The following MAML3 variants were observed in gnomAD, a reference collection of about 807,000 sequenced individuals.
MAML3 encodes the protein mastermind like transcriptional coactivator 3, also known as mastermind-like protein 3.
MAML3 carries 27 observed loss-of-function variants against 101.9 expected under a neutral mutation model. That is an observed-to-expected ratio of 0.27 (90% CI 0.20 to 0.37). The LOEUF (loss-of-function observed/expected upper bound fraction) is 0.37, where lower values mean the gene tolerates loss of function less well. MAML3 is among the 10% of genes least tolerant of loss of function. The pLI is 1.00. For synonymous variants in MAML3, 501 were observed against 555.9 expected (o/e 0.90, Z 1.39); for missense variants, 1,316 against 1,444.9 (o/e 0.91, Z 1.45).
chr4:139,993,916 C>A (rs148974138), intron 1 of MAML3, among the ~76,000 whole-genome samples: 11 of 152,188 alleles, frequency 7.2e-5, no homozygotes, highest in African/African-American at 2.4e-4. Context: ...TCTAAGAATT[C>A]TTTGCCAAAA....
intron 2 of MAML3, among the ~76,000 whole-genome samples, chr4:139,809,389 G>A (rs1390232524): frequency 1.3e-5 from 2 of 152,174 alleles, no homozygotes; most frequent in African/African-American, 2.4e-5. Context: ...TAGCTTATGC[G>A]GGATTGGAAT....
intron 2 of MAML3, chr4:139,794,394 G>A (rs999521619): frequency 6.6e-6 from 1 of 152,248 alleles, no homozygotes; most frequent in East Asian, 1.9e-4. Context: ...CAGGCCATCA[G>A]TGGGGTGCCT....
At chr4:140,077,654 G>A (rs990296474) in intron 1 of MAML3, among the ~76,000 whole-genome samples, 1 of 152,152 alleles carries the variant, frequency 6.6e-6, no homozygotes, top group African/African-American at 2.4e-5. Flanking sequence ...TCTTTGCACA[G>A]AGAACATAGA....
At chr4:140,102,440 G>A (rs1288524325) in intron 1 of MAML3, among the ~76,000 whole-genome samples, 3 of 152,206 alleles carry the variant, frequency 2.0e-5, no homozygotes, top group Non-Finnish European at 2.9e-5. Context: ...GGTTTCTCCT[G>A]AGGCCTCTAT....
intron 1 of MAML3, among the ~76,000 whole-genome samples, chr4:140,125,088 T>C (rs1040616806): frequency 1.3e-5 from 2 of 152,244 alleles, no homozygotes; most frequent in African/African-American, 2.4e-5. Context: ...CTTTAGCTTA[T>C]TTTTCTATAT....
chr4:139,983,363 C>T (rs1410777743), intron 1 of MAML3, among the ~76,000 whole-genome samples: 1 of 152,132 alleles, frequency 6.6e-6, no homozygotes, highest in Non-Finnish European at 1.5e-5. Context: ...CAATATATAG[C>T]CTTTTCAGAC....
At chr4:140,102,469 C>T (rs13115569) in intron 1 of MAML3, among the ~76,000 whole-genome samples, 26,894 of 152,184 alleles carry the variant, frequency 0.18, 2,971 homozygotes, top group Middle Eastern at 0.35. Flanking sequence ...TGCAGATGGC[C>T]GCCTCCTATC....
chr4:140,017,374 T>C (rs892409116), intron 1 of MAML3, among the ~76,000 whole-genome samples: 28 of 152,186 alleles, frequency 1.8e-4, no homozygotes, highest in African/African-American at 5.1e-4. Context: ...ATACAGCCCC[T>C]GTTGAAAATA....
At position 140,090,618 on chromosome 4, in the gene MAML3, C is replaced by G. The variant is rs1728028884; in HGVS notation, c.468+62242G>C. ...GCCCGTGGGTGGCGGAGTCAGAATG[C>G]AAACCTAGACAGTCTAACTCTTACC... is the stretch of plus-strand genomic sequence containing the variant. On this transcript the variant is annotated intron_variant, in intron 1 of 4. Transcript: ENST00000509479. Among the ~76,000 whole-genome samples, 3 of 152,234 alleles carry G rather than the reference C, an allele frequency of 2.0e-5. No homozygotes were observed. The South Asian group carries it at 6.2e-4, about 31-fold the overall frequency.
At chr4:140,077,371 C>T (rs1727787371) in intron 1 of MAML3, among the ~76,000 whole-genome samples, 1 of 152,170 alleles carries the variant, frequency 6.6e-6, no homozygotes, top group Non-Finnish European at 1.5e-5. Context: ...CCCTCCTCAC[C>T]CAACAAAATC....
intron 1 of MAML3, among the ~76,000 whole-genome samples, chr4:139,944,610 C>A (rs1212584834): frequency 6.6e-6 from 1 of 151,382 alleles, no homozygotes; most frequent in African/African-American, 2.4e-5. Flanking sequence ...AAGAAAAAAA[C>A]AAACAACCCC....
intron 1 of MAML3, among the ~76,000 whole-genome samples, chr4:139,941,083 G>C (rs1733588097): frequency 6.6e-6 from 1 of 152,116 alleles, no homozygotes; most frequent in Non-Finnish European, 1.5e-5. Context: ...TTTGGTCTAG[G>C]GTTTCAATAT....
chr4:139,772,943 A>G (rs7684671), intron 2 of MAML3, among the ~76,000 whole-genome samples: 2,737 of 151,852 alleles, frequency 0.018, 81 homozygotes, highest in African/African-American at 0.063. Flanking sequence ...ATAAAGTATC[A>G]GTAGAGGGCC....
intron 2 of MAML3, among the ~76,000 whole-genome samples, chr4:139,855,759 A>G (rs1189018990): frequency 6.6e-6 from 1 of 152,218 alleles, no homozygotes; most frequent in African/African-American, 2.4e-5. Flanking sequence ...TGTGGAGACT[A>G]CATTACAAAC....
intron 1 of MAML3, among the ~76,000 whole-genome samples, chr4:139,964,194 C>A (rs1468367288): frequency 1.3e-5 from 2 of 152,110 alleles, no homozygotes; most frequent in African/African-American, 4.8e-5. Context: ...AACCCAAATG[C>A]CCATCAATGA....
At chr4:139,801,660 G>A (rs1010966355) in intron 2 of MAML3, among the ~76,000 whole-genome samples, 1 of 17,030 alleles carries the variant, frequency 5.9e-5, no homozygotes. Context: ...GTGTGTGTGT[G>A]TGTGTGTGTG....
rs940131560 is a variant in MAML3, at chr4:139,930,311, T to A, written c.469-39344A>T. On this transcript the variant is annotated intron_variant, in intron 1 of 4. Coordinates refer to ENST00000509479, the MANE Select transcript of MAML3 (RefSeq NM_018717.5). ...AATCTAAGGGTGCTCATGGCCTGAA[T>A]ACGTTTCCAGGCAGAGTTTGTGAGC... Among the ~76,000 whole-genome samples, 3 of 152,124 alleles carry A rather than the reference T, an allele frequency of 2.0e-5. No homozygotes were observed. The East Asian group carries it at 5.8e-4, about 29-fold the overall frequency.
chr4:140,086,309 A>T (rs974827632), intron 1 of MAML3, among the ~76,000 whole-genome samples: 3 of 152,198 alleles, frequency 2.0e-5, no homozygotes, highest in Non-Finnish European at 4.4e-5. Flanking sequence ...TCTTCCTTGA[A>T]TCTCACTTTG....
Position 139,719,587 on chromosome 4 carries a change from C to T in MAML3, c.3153G>A (p.Leu1051=). 1 of 1,613,324 alleles carries T rather than the reference C, an allele frequency of 6.2e-7. No homozygotes were observed. Among genetic ancestry groups the T allele is most frequent in the Non-Finnish European group, 8.5e-7 (1 of 1,179,662 alleles). Residue 1051 remains leucine (L), a synonymous_variant, in exon 5 of 5, where the codon CTG becomes CTA. Transcript: ENST00000509479. The stretch of plus-strand genomic sequence containing the variant: ...CTGGCATGCCTGGGACTCCCTGGCT[C>T]AGGCCAGACATGACCATTGGCCTCG... The part of the protein sequence containing the change: ...SQARPMVMSG[L]SQGVPGMPAF...
Sources: gnomAD v4.1 joint callset for allele counts (sites outside exome capture counted in the v4.1 genomes callset) on GRCh38, gnomAD v4.1.1 for gene constraint, MANE v1.5 for transcripts, NCBI Gene and HGNC (gene_info 2026-07-23, HGNC 2026-07-21) for gene names.